Variants in TLN2 observed in about 807,000 individuals in gnomAD.
The protein encoded by TLN2 is talin-2.
In TLN2, 118 loss-of-function variants were observed where a neutral mutation model predicts 294.7. The ratio of observed to expected loss-of-function variants is 0.40; its 90% confidence interval spans 0.34 to 0.47. TLN2 has a LOEUF of 0.47. Among genes scored for constraint, TLN2 ranks in the 20% least tolerant of loss-of-function variants. The pLI is 0.84. For missense variants in TLN2, 3,083 were observed against 3,282.2 expected, an observed-to-expected ratio of 0.94 and a Z score of 1.48; for synonymous variants, 1,431 against 1,304.5, an observed-to-expected ratio of 1.10 and a Z score of -2.09.
At chr15:62,531,952 C>T (rs2041062742) in intron 1 of TLN2, among the ~76,000 whole-genome samples, 2 of 152,254 alleles carry the variant, frequency 1.3e-5, no homozygotes, top group South Asian at 4.1e-4. Context: ...TGTGGGTGTC[C>T]CCCAAGTGGT....
In TLN2 at chr15:62,722,608, A is replaced by G. The variant is rs999617802; in HGVS notation, c.3126+121A>G. 3 of 1,272,476 alleles carry G rather than the reference A, an allele frequency of 2.4e-6. No homozygotes were observed. In the African/African-American group the frequency reaches 4.4e-5, roughly 19 times the overall value. 78.8% of individuals were successfully genotyped at this position (1,272,476 alleles called of 1,614,324 possible). A position where few individuals can be genotyped will look rare whatever the true frequency, so the allele number is the denominator to read the frequency against. ...TGGCAAAGTTGTCCATTCTACTTGC[A>G]TGACTATTAAAGATGCCCCTGTGGG... On this transcript the variant is annotated intron_variant, in intron 26 of 58. Transcript: ENST00000636159.
At chr15:62,822,951 C>T (rs1477214668) in intron 54 of TLN2, among the ~76,000 whole-genome samples, 1 of 152,132 alleles carries the variant, frequency 6.6e-6, no homozygotes, top group African/African-American at 2.4e-5. Context: ...AATAACAGCA[C>T]CTTAAAAATT....
At chr15:62,514,285 T>C (rs556556415) in intron 1 of TLN2, among the ~76,000 whole-genome samples, 71 of 152,324 alleles carry the variant, frequency 4.7e-4, no homozygotes, top group African/African-American at 1.7e-3. Context: ...AGTAGTGTTA[T>C]GAAAAAAATA....
chr15:62,461,764 C>T (rs1467515371), intron 1 of TLN2, among the ~76,000 whole-genome samples: 1 of 152,186 alleles, frequency 6.6e-6, no homozygotes, highest in African/African-American at 2.4e-5. Flanking sequence ...GGCGCCTACT[C>T]CATGCGAGGG....
chr15:62,507,394 A>G (rs776330756), intron 1 of TLN2, among the ~76,000 whole-genome samples: 7 of 152,188 alleles, frequency 4.6e-5, no homozygotes, highest in East Asian at 1.9e-4. Context: ...ACCTCCCGCA[A>G]CCGAGTCCCC....
rs779397920 is a variant in TLN2, at chr15:62,708,749, C to A, written c.2420C>A (p.Thr807Asn). 1 of 1,609,670 alleles carries A rather than the reference C, an allele frequency of 6.2e-7. No homozygotes were observed. The highest frequency in any genetic ancestry group is 8.5e-7 in the Non-Finnish European group (1 of 1,179,988). ...PIGRYDQATD[T>N]IMCVTESIFS... Reference sequence around the variant, plus strand: ...GGCCGCTACGACCAGGCTACTGACACCATCATGTGTGTCACCGAGAGCATC... The same window carrying A: ...GGCCGCTACGACCAGGCTACTGACAACATCATGTGTGTCACCGAGAGCATC... The change falls in exon 21 of 59, where the codon ACC becomes AAC. Residue 807 changes from threonine (T) to asparagine (N), a missense_variant. Thr to Asn is a moderately conservative substitution (Grantham distance 65). Transcript: ENST00000636159.
chr15:62,660,067 A>G (rs2053645139), intron 9 of TLN2, among the ~76,000 whole-genome samples: 1 of 152,158 alleles, frequency 6.6e-6, no homozygotes, highest in Non-Finnish European at 1.5e-5. Flanking sequence ...GTTTTAAAAT[A>G]ATAATGAGAA....
At chr15:62,640,438 T>C (rs920688468) in intron 3 of TLN2, 21 of 442,224 alleles carry the variant, frequency 4.7e-5, no homozygotes, top group South Asian at 8.0e-5. Context: ...TGAGGTATGG[T>C]AGCCTGGCCC....
chr15:62,727,963 A>G (rs374165745), intron 28 of TLN2, among the ~76,000 whole-genome samples: 4 of 152,186 alleles, frequency 2.6e-5, no homozygotes, highest in African/African-American at 7.2e-5. Flanking sequence ...TCTTTTTGAA[A>G]TATGCATTAT....
chr15:62,675,509 T>C (rs376986767), intron 11 of TLN2, among the ~76,000 whole-genome samples, 188 bp downstream of exon 11: 8 of 152,118 alleles, frequency 5.3e-5, no homozygotes, highest in African/African-American at 1.9e-4. Flanking sequence ...GGCTGGTGAG[T>C]GAGCGCTGCT....
intron 12 of TLN2, among the ~76,000 whole-genome samples, chr15:62,688,708 A>T (rs543696277): frequency 6.6e-6 from 1 of 152,234 alleles, no homozygotes; most frequent in East Asian, 1.9e-4. Flanking sequence ...TACATTTAAG[A>T]TTCCTCTATC....
chr15:62,418,096 T>C (rs1002867214), intron 1 of TLN2, among the ~76,000 whole-genome samples: 3 of 152,222 alleles, frequency 2.0e-5, no homozygotes, highest in Non-Finnish European at 4.4e-5. Flanking sequence ...GTGACTAATC[T>C]CAGATTCTGT....
At chr15:62,655,184 T>C (rs1445823825) in intron 7 of TLN2, among the ~76,000 whole-genome samples, 1 of 152,084 alleles carries the variant, frequency 6.6e-6, no homozygotes, top group African/African-American at 2.4e-5. Context: ...CCAGGTACTG[T>C]GGGAGATGTG....
intron 41 of TLN2, among the ~76,000 whole-genome samples, chr15:62,767,071 A>G (rs1461719844): frequency 6.6e-6 from 1 of 152,174 alleles, no homozygotes; most frequent in Non-Finnish European, 1.5e-5. Flanking sequence ...TGGATTTTTA[A>G]CCACCTTGGG....
chr15:62,607,739 T>G (rs997451101), intron 2 of TLN2, among the ~76,000 whole-genome samples: 6 of 151,876 alleles, frequency 4.0e-5, no homozygotes, highest in Non-Finnish European at 5.9e-5. Context: ...CCGCTCTTTT[T>G]TGTGTGTGTG....
At chr15:62,558,252 A>C (rs2042714330) in intron 1 of TLN2, among the ~76,000 whole-genome samples, 1 of 152,154 alleles carries the variant, frequency 6.6e-6, no homozygotes, top group South Asian at 2.1e-4. Context: ...TTTAAAAATG[A>C]CTTTGTCATC....
chr15:62,560,000 G>A, intron 1 of TLN2, among the ~76,000 whole-genome samples: 1 of 151,756 alleles, frequency 6.6e-6, no homozygotes, highest in South Asian at 2.1e-4. Context: ...GCCAGAATTG[G>A]CCTATTTGAC....
chr15:62,501,702 T>C (rs536705358), intron 1 of TLN2, among the ~76,000 whole-genome samples: 9 of 152,306 alleles, frequency 5.9e-5, no homozygotes, highest in East Asian at 5.8e-4. Context: ...TTGGATGTTG[T>C]TTTTTGTTTA....
intron 9 of TLN2, among the ~76,000 whole-genome samples, chr15:62,666,977 CTTTTTT>C (rs1457071516): frequency 6.6e-6 from 1 of 152,040 alleles, no homozygotes; most frequent in Non-Finnish European, 1.5e-5. Flanking sequence ...TTTTCTTTTT[CTTTTTT>C]GAGATGGAGT....
Sources: allele counts gnomAD v4.1 joint callset (sites outside exome capture counted in the v4.1 genomes callset), GRCh38; gene constraint gnomAD v4.1.1; transcripts MANE v1.5; gene names NCBI Gene and HGNC (gene_info 2026-07-23, HGNC 2026-07-21).